Variants in NECAB1 observed in about 807,000 individuals in gnomAD.
The protein encoded by NECAB1 is N-terminal EF-hand calcium binding protein 1, also known as N-terminal EF-hand calcium-binding protein 1.
A neutral mutation model predicts 57.5 loss-of-function variants in NECAB1; 29 were observed. That is an observed-to-expected ratio of 0.50 (90% CI 0.38 to 0.69). The LOEUF (loss-of-function observed/expected upper bound fraction) is 0.69, where lower values mean the gene tolerates loss of function less well. NECAB1 is among the 30% of genes least tolerant of loss of function. NECAB1 has a pLI of 0.00. For synonymous variants in NECAB1, 142 were observed against 147.7 expected (o/e 0.96, Z 0.28); for missense variants, 372 against 413.8 (o/e 0.90, Z 0.88).
At chr8:90,918,186 T>A (rs1309636607) in intron 6 of NECAB1, among the ~76,000 whole-genome samples, 2 of 150,934 alleles carry the variant, frequency 1.3e-5, no homozygotes, top group Admixed American at 1.3e-4. Flanking sequence ...ATTTATTGTA[T>A]TTTTTAGAAG....
intron 2 of NECAB1, among the ~76,000 whole-genome samples, chr8:90,805,737 T>A: frequency 6.6e-6 from 1 of 152,110 alleles, no homozygotes; most frequent in East Asian, 1.9e-4. Context: ...TATATTTTAT[T>A]TTAAAATATT....
At chr8:90,881,571 C>T (rs1031771518) in intron 5 of NECAB1, among the ~76,000 whole-genome samples, 8 of 152,046 alleles carry the variant, frequency 5.3e-5, no homozygotes, top group South Asian at 4.1e-4. Flanking sequence ...AAGTGTATGG[C>T]GCTTCCTCCG....
At chr8:90,837,617 G>A (rs1453913922) in intron 3 of NECAB1, among the ~76,000 whole-genome samples, 1 of 152,174 alleles carries the variant, frequency 6.6e-6, no homozygotes, top group African/African-American at 2.4e-5. Flanking sequence ...ATTGATCAGG[G>A]TCCCTTCTGT....
At chr8:90,826,809 G>T (rs1047340474) in intron 3 of NECAB1, among the ~76,000 whole-genome samples, 1 of 151,518 alleles carries the variant, frequency 6.6e-6, no homozygotes, top group African/African-American at 2.4e-5. Context: ...TATTAATTTG[G>T]ATTACTTGGC....
chr8:90,867,595 C>A (rs990835143), intron 3 of NECAB1, among the ~76,000 whole-genome samples: 12 of 151,950 alleles, frequency 7.9e-5, no homozygotes, highest in Admixed American at 4.6e-4. Flanking sequence ...GATCAAACTC[C>A]CTTATTAGGT....
At chr8:90,941,144 A>C (rs189413894) in intron 10 of NECAB1, among the ~76,000 whole-genome samples, 377 of 152,338 alleles carry the variant, frequency 2.5e-3, no homozygotes, top group African/African-American at 8.2e-3. Context: ...TGGGGCACCA[A>C]GTAAAATGAA....
intron 3 of NECAB1, among the ~76,000 whole-genome samples, chr8:90,829,203 CA>C (rs1430144268): frequency 6.6e-6 from 1 of 151,946 alleles, no homozygotes; most frequent in African/African-American, 2.4e-5. Flanking sequence ...ACTAACCTAG[CA>C]AAAACTAAAT....
At chr8:90,870,140 T>G (rs1269787411) in intron 3 of NECAB1, among the ~76,000 whole-genome samples, 1 of 152,140 alleles carries the variant, frequency 6.6e-6, no homozygotes, top group East Asian at 1.9e-4. Flanking sequence ...CTGCCACGAT[T>G]GTAAGTTTCC....
At chr8:90,954,995 A>G (rs1319144937) in intron 12 of NECAB1, among the ~76,000 whole-genome samples, 2 of 124,714 alleles carry the variant, frequency 1.6e-5, no homozygotes, top group African/African-American at 5.7e-5. Context: ...ATATGTATGT[A>G]TATGTACACA....
At chr8:90,819,438 T>C (rs1178034315) in intron 2 of NECAB1, among the ~76,000 whole-genome samples, 1 of 151,960 alleles carries the variant, frequency 6.6e-6, no homozygotes, top group Non-Finnish European at 1.5e-5. Flanking sequence ...AGTATGAGGA[T>C]TTATGTCAAT....
chr8:90,886,921 C>T (rs1809009918), intron 5 of NECAB1, among the ~76,000 whole-genome samples: 1 of 151,928 alleles, frequency 6.6e-6, no homozygotes, highest in East Asian at 1.9e-4. Context: ...TATGATACCT[C>T]ATATAGGTTC....
Position 90,899,991 on chromosome 8 carries a change from A to C in NECAB1, c.358-17501A>C, listed in dbSNP as rs75327582. On this transcript the variant is annotated intron_variant, in intron 5 of 12. Coordinates refer to ENST00000417640, the MANE Select transcript of NECAB1 (RefSeq NM_022351.5). The stretch of plus-strand genomic sequence containing the variant: ...AGTGAGAATAATAAGCATTACTAAA[A>C]CAACAATGAGCACTCAATGGGGAGC... Among the ~76,000 whole-genome samples the C allele has an allele frequency of 9.9e-3, 1,513 of 152,262 alleles. 21 individuals carry two copies. The highest frequency in any genetic ancestry group is 0.034 in the African/African-American group (1,421 of 41,556).
chr8:90,916,920 T>C (rs559827914), intron 5 of NECAB1, among the ~76,000 whole-genome samples: 1 of 152,318 alleles, frequency 6.6e-6, no homozygotes, highest in East Asian at 1.9e-4. Flanking sequence ...AGGAAAGACA[T>C]AAGCAGATTT....
intron 10 of NECAB1, among the ~76,000 whole-genome samples, chr8:90,943,152 T>A (rs894819104): frequency 1.1e-4 from 16 of 152,346 alleles, no homozygotes; most frequent in African/African-American, 3.4e-4. Flanking sequence ...GGAAACAGGC[T>A]GTGGGGGAGT....
At chr8:90,929,187 G>A (rs536394649) in intron 8 of NECAB1, among the ~76,000 whole-genome samples, 1 of 152,256 alleles carries the variant, frequency 6.6e-6, no homozygotes, top group South Asian at 2.1e-4. Flanking sequence ...GACTGACCGA[G>A]ACATGTTAAA....
At chr8:90,813,397 ATATGT>A (rs755332409) in intron 2 of NECAB1, among the ~76,000 whole-genome samples, 5 of 151,970 alleles carry the variant, frequency 3.3e-5, no homozygotes, top group African/African-American at 7.2e-5. Context: ...TGAGTTAAAT[ATATGT>A]TATATTTCAA....
chr8:90,904,891 AC>A (rs1387266843), intron 5 of NECAB1, among the ~76,000 whole-genome samples: 2 of 152,302 alleles, frequency 1.3e-5, no homozygotes, highest in Admixed American at 6.5e-5. Flanking sequence ...CTATATGAAA[AC>A]AAAAGAGTTA....
chr8:90,845,021 G>T (rs1019695884), intron 3 of NECAB1, among the ~76,000 whole-genome samples: 3 of 152,118 alleles, frequency 2.0e-5, no homozygotes, highest in Non-Finnish European at 4.4e-5. Context: ...CTGATGTTCC[G>T]GTTCACGTCC....
intron 5 of NECAB1, among the ~76,000 whole-genome samples, chr8:90,881,502 C>A (rs560849468): frequency 1.3e-5 from 2 of 152,118 alleles, no homozygotes; most frequent in Non-Finnish European, 2.9e-5. Context: ...ATCACCAATC[C>A]CCCAGTGCTG....
Sources: gnomAD v4.1 joint callset for allele counts (sites outside exome capture counted in the v4.1 genomes callset) on GRCh38, gnomAD v4.1.1 for gene constraint, MANE v1.5 for transcripts, NCBI Gene and HGNC (gene_info 2026-07-23, HGNC 2026-07-21) for gene names.